Variants in TNXB observed in about 807,000 individuals in gnomAD.
The protein encoded by TNXB is tenascin XB, also known as tenascin-X.
A neutral mutation model predicts 340.5 loss-of-function variants in TNXB; 183 were observed. The ratio of observed to expected loss-of-function variants is 0.54; its 90% confidence interval spans 0.48 to 0.61. The LOEUF (loss-of-function observed/expected upper bound fraction) is 0.61. Ranked by LOEUF, TNXB falls within the 20% of genes least tolerant of loss-of-function variation. The pLI is 0.00. For synonymous variants in TNXB, 2,121 were observed against 2,314.5 expected, an observed-to-expected ratio of 0.92 and a Z score of 2.40; for missense variants, 4,613 against 5,446.4, an observed-to-expected ratio of 0.85 and a Z score of 4.82.
Position 32,046,296 on chromosome 6 carries a change from C to T in TNXB, c.10485G>A (p.Val3495=). 1.9e-6 allele frequency: 3 copies of T among 1,606,656 alleles called. No homozygotes were observed. Among genetic ancestry groups the T allele is most frequent in the Non-Finnish European group, 2.5e-6 (3 of 1,178,158 alleles). The change falls in exon 31 of 44, where the codon GTG becomes GTA. Residue 3495 remains valine (V), a synonymous_variant. Transcript: ENST00000644971. The surrounding 1 kb of genome is among the most constrained non-coding windows in gnomAD (Gnocchi z 6.9). ...CGGTGACTGTGCGCTGGTCTGCGGCCACAGGCACTGCCCTGGGCTGCCCGT... is the reference window on the plus strand; with the variant it reads ...CGGTGACTGTGCGCTGGTCTGCGGCTACAGGCACTGCCCTGGGCTGCCCGT... ...DTDGQPRAVP[V]AADQRTVTVE... is the part of the protein sequence containing the mutation.
At position 32,082,069 on chromosome 6, in the gene TNXB, G is replaced by T. The variant is rs754586168; in HGVS notation, c.3703C>A (p.Arg1235=). The change falls in exon 9 of 44, where the codon CGG becomes AGG. Residue 1235 remains arginine (R), a synonymous_variant. Transcript: ENST00000644971. The surrounding 1 kb of genome is among the most constrained non-coding windows in gnomAD (Gnocchi z 5.0). The stretch of plus-strand genomic sequence containing the variant: ...CCATCGGCCGTGAGGGGGCCATACC[G>T]CTTCTTGTTCGCAATTCCAAACAGA... ...FTLFGIANKK[R]YGPLTADGTT... The T allele has an allele frequency of 6.2e-6, 10 of 1,608,174 alleles. No homozygotes were observed. The highest frequency in any genetic ancestry group is 7.6e-6 in the Non-Finnish European group (9 of 1,177,650).
At chr6:32,078,952 A>G (rs1779268644) in intron 11 of TNXB, 81 bp downstream of exon 11, 3 of 1,449,496 alleles carry the variant, frequency 2.1e-6, no homozygotes, top group Non-Finnish European at 2.8e-6. Flanking sequence ...GTTCCACTGG[A>G]GCAAGGAGAG....
Position 32,058,226 on chromosome 6 carries a change from T to C in TNXB, c.7657A>G (p.Thr2553Ala), listed in dbSNP as rs1339160469. 1 of 1,612,380 alleles carries C rather than the reference T, an allele frequency of 6.2e-7. No individual in the cohort carries two copies. Among genetic ancestry groups the C allele is most frequent in the South Asian group, 1.1e-5 (1 of 91,060 alleles). ...TVPQGRFDSF[T>A]VQYKDRDGRP... ...CCGTCCCTGTCCTTGTACTGCACGG[T>C]GAAGGAGTCAAAGCGGCCCTGGGGG... Residue 2553 changes from threonine to alanine, a missense_variant, in exon 22 of 44, where the codon ACC becomes GCC. By Grantham distance (58) the Thr-to-Ala change is moderately conservative. Coordinates refer to ENST00000644971, the MANE Select transcript of TNXB (RefSeq NM_001365276.2). This position sits in a 1 kb window ranked among gnomAD's most constrained non-coding sequence, Gnocchi z 5.1.
At position 32,095,676 on chromosome 6, in the gene TNXB, C is replaced by T. The variant is rs1780290288; in HGVS notation, c.2177G>A (p.Arg726Gln). 1 of 1,614,060 alleles carries T rather than the reference C, an allele frequency of 6.2e-7. No homozygotes were observed. Among genetic ancestry groups the T allele is most frequent in the African/African-American group, 1.3e-5 (1 of 75,072 alleles). Residue 726 changes from arginine (R) to glutamine (Q), a missense_variant, in exon 3 of 44, where the codon CGA becomes CAA. This residue lies in a region of TNXB where 4,327 missense variants were observed against 4,859.4 expected (regional missense o/e 0.89). Transcript: ENST00000644971. ...ACAGCTGCCATCGTGACACTCTCCTCGGCCACGGCAGTCCCCTGGGCATGT... is the reference window on the plus strand; with the variant it reads ...ACAGCTGCCATCGTGACACTCTCCTTGGCCACGGCAGTCCCCTGGGCATGT... ...IQTCPGDCRGRGECHDGSCVC... is the reference protein window; with the variant it reads ...IQTCPGDCRGQGECHDGSCVC...
Position 32,080,004 on chromosome 6 carries a change from C to G in TNXB, c.4043-639G>C, listed in dbSNP as rs1284833767. 6.6e-6 allele frequency among the ~76,000 whole-genome samples: 1 copy of G among 152,202 alleles called. No individual in the cohort carries two copies. Among genetic ancestry groups the G allele is most frequent in the Non-Finnish European group, 1.5e-5 (1 of 68,038 alleles). ...GACTGTGGCACAAGGGAAACCAGCC[C>G]TTCTGTGACCTGCTACATGGGGGAC... On this transcript the variant is annotated intron_variant, in intron 10 of 43. Coordinates refer to ENST00000644971, the MANE Select transcript of TNXB (RefSeq NM_001365276.2). This position sits in a 1 kb window ranked among gnomAD's most constrained non-coding sequence, Gnocchi z 4.3.
At position 32,096,146 on chromosome 6, in the gene TNXB, G is replaced by T; in HGVS notation, c.1707C>A (p.Cys569Ter). Residue 569 changes from cysteine (C) to a stop codon, truncating the protein, a stop_gained, in exon 3 of 44, where the codon TGC (cysteine) becomes TGA (stop). Transcript: ENST00000644971. LOFTEE classifies it high-confidence loss of function. ...CCTCGCACACACACCGCCCATCTAG[G>T]CACTGGCCGCGGCCTCGGCAGCCCC... ...CPGGCRGRGQCLDGRCVCEDG... is the reference protein window; with the variant it reads ...CPGGCRGRGQ 6.3e-7 allele frequency: 1 copy of T among 1,592,272 alleles called. No individual in the cohort carries two copies.
rs1272278307 is a variant in TNXB, at chr6:32,088,794, C to T, written c.2770G>A (p.Ala924Thr). 1 of 1,572,278 alleles carries T rather than the reference C, an allele frequency of 6.4e-7. No individual in the cohort carries two copies. The highest frequency in any genetic ancestry group is 2.3e-5 in the East Asian group (1 of 43,028). The stretch of plus-strand genomic sequence containing the variant: ...CTCTGGCCAGCCATACCTGTGTTGG[C>T]CCTGACAGAAGCTGGGTAGCTGACT... ...RAVSYPASVR[A>T]NTGSSPLGLL... The change falls in exon 6 of 44, where the codon GCC becomes ACC. Residue 924 changes from alanine (A) to threonine (T), a missense_variant. Coordinates refer to ENST00000644971, the MANE Select transcript of TNXB (RefSeq NM_001365276.2).
chr6:32,048,689 G>A, intron 28 of TNXB, 39 bp from the exon 29 acceptor site: 1 of 1,396,680 alleles, frequency 7.2e-7, no homozygotes, highest in South Asian at 2.1e-5. Flanking sequence ...CAGGAGGCAG[G>A]ACCCTGCGCA....
chr6:32,104,610 CAACTG>C (rs1311470339), intron 1 of TNXB, among the ~76,000 whole-genome samples: 1 of 152,148 alleles, frequency 6.6e-6, no homozygotes, highest in African/African-American at 2.4e-5. Context: ...TCTTGCCTGA[CAACTG>C]CAATTGCCTC....
chr6:32,079,063 C>T lies in TNXB; in HGVS notation c.4345G>A (p.Val1449Met), dbSNP rs773445960. The T allele has an allele frequency of 4.3e-6, 7 of 1,613,060 alleles. No homozygotes were observed. Among genetic ancestry groups the T allele is most frequent in the South Asian group, 1.1e-5 (1 of 91,010 alleles). Reference sequence around the variant, plus strand: ...ACGCCCACGGCGGACACCGGGCCCACGCGCTGCCCCTCGTGGAGGCCGTAC... The same window carrying T: ...ACGCCCACGGCGGACACCGGGCCCATGCGCTGCCCCTCGTGGAGGCCGTAC... The part of the protein sequence containing the change: ...HLYGLHEGQR[V>M]GPVSAVGVTA... Residue 1449 changes from valine (V) to methionine (M), a missense_variant, in exon 11 of 44, where the codon GTG becomes ATG. This residue lies in a region of TNXB where 4,327 missense variants were observed against 4,859.4 expected (regional missense o/e 0.89). Coordinates refer to ENST00000644971, the MANE Select transcript of TNXB (RefSeq NM_001365276.2). The surrounding 1 kb of genome is among the most constrained non-coding windows in gnomAD (Gnocchi z 7.1).
In TNXB at chr6:32,049,252, G is replaced by A. The variant is rs775691913; in HGVS notation, c.9757+18C>T. Reference sequence around the variant, plus strand: ...TGCAGAGGTAAACCTGGGGACGAGGGCCTGTCCCCCCACTCACCCGTGATG... The same window carrying A: ...TGCAGAGGTAAACCTGGGGACGAGGACCTGTCCCCCCACTCACCCGTGATG... On this transcript the variant is annotated intron_variant, in intron 28 of 43. Coordinates refer to ENST00000644971, the MANE Select transcript of TNXB (RefSeq NM_001365276.2). The surrounding 1 kb of genome is among the most constrained non-coding windows in gnomAD (Gnocchi z 4.5). The A allele has an allele frequency of 3.1e-6, 5 of 1,602,158 alleles. No homozygotes were observed. The African/African-American group carries it at 6.7e-5, about 21-fold the overall frequency.
At chr6:32,093,261 C>A in intron 4 of TNXB, 1 of 663,448 alleles carries the variant, frequency 1.5e-6, no homozygotes, top group Non-Finnish European at 2.8e-6. Flanking sequence ...TAGTGAGGAG[C>A]AGCCAGGAAT....
Position 32,095,065 on chromosome 6 carries a change from ATC to A in TNXB, c.2358+9_2358+10del. 1 of 1,545,324 alleles carries A rather than the reference ATC, an allele frequency of 6.5e-7. No homozygotes were observed. The highest frequency in any genetic ancestry group is 8.7e-7 in the Non-Finnish European group (1 of 1,143,596). On this transcript the variant is annotated intron_variant, in intron 4 of 43. Transcript: ENST00000644971. ...ACTCAGTCCCCTCCTGGAGCCTGGC[ATC>A]TCTCTCACCGTGGGGATGAACTGAA...
chr6:32,095,799 G>C lies in TNXB; in HGVS notation c.2054C>G (p.Ala685Gly), dbSNP rs768510054. Residue 685 changes from alanine (A) to glycine (G), a missense_variant, in exon 3 of 44, where the codon GCC (alanine) becomes GGC (glycine). Coordinates refer to ENST00000644971, the MANE Select transcript of TNXB (RefSeq NM_001365276.2). ...GEDCGQEEPP[A>G]SACPGGCGPR... ...CCCGCAGCCTCCAGGGCAGGCGCTG[G>C]CTGGAGGCTCTTCCTGCCCGCAGTC... 10 of 1,612,948 alleles carry C rather than the reference G, an allele frequency of 6.2e-6. No individual in the cohort carries two copies. Among genetic ancestry groups the C allele is most frequent in the Admixed American group, 3.3e-5 (2 of 59,890 alleles).
rs1270615839 is a variant in TNXB, at chr6:32,050,114, C to G, written c.9323G>C (p.Gly3108Ala). ...TGAGATGGTGACCCCGTCCTCGTGC[C>G]CCGGCACCCGCACCGCCTTGGGCTG... ...DGQPKAVRVP[G>A]HEDGVTISGL... is the part of the protein sequence containing the mutation. The change falls in exon 27 of 44, where the codon GGG (glycine) becomes GCG (alanine). Residue 3108 changes from glycine (G) to alanine (A), a missense_variant. Around this residue, in one of 7 missense-constraint regions of TNXB, gnomAD observed 4,327 missense variants for 4,859.4 expected, o/e 0.89. Coordinates refer to ENST00000644971, the MANE Select transcript of TNXB (RefSeq NM_001365276.2). The G allele has an allele frequency of 2.5e-6, 4 of 1,613,642 alleles. No individual in the cohort carries two copies. Among genetic ancestry groups the G allele is most frequent in the South Asian group, 1.1e-5 (1 of 91,096 alleles).
chr6:32,095,464 C>T (rs973328783), intron 3 of TNXB, 147 bp downstream of exon 3: 2 of 1,037,460 alleles, frequency 1.9e-6, no homozygotes, highest in Non-Finnish European at 2.8e-6. Context: ...GAAAGCCCCA[C>T]CCCTGTGGTT....
At chr6:32,093,579 G>A (rs886935440) in intron 4 of TNXB, 6 of 490,290 alleles carry the variant, frequency 1.2e-5, no homozygotes, top group African/African-American at 9.7e-5. Context: ...TTTTTACAGA[G>A]TCCTGGCTAA....
At chr6:32,055,694 A>C (rs1309413235) in intron 24 of TNXB, among the ~76,000 whole-genome samples, 157 bp downstream of exon 24, 3 of 152,234 alleles carry the variant, frequency 2.0e-5, no homozygotes, top group Non-Finnish European at 4.4e-5. Flanking sequence ...CTCTGGCCCT[A>C]GCCCAAACCT....
At position 32,074,372 on chromosome 6, in the gene TNXB, G is replaced by A. The variant is rs529299656; in HGVS notation, c.4376-420C>T. Among the ~76,000 whole-genome samples the A allele has an allele frequency of 1.1e-4, 16 of 152,298 alleles. No homozygotes were observed. Among genetic ancestry groups the A allele is most frequent in the South Asian group, 2.1e-4 (1 of 4,826 alleles). On this transcript the variant is annotated intron_variant, in intron 11 of 43. Transcript: ENST00000644971. This position sits in a 1 kb window ranked among gnomAD's most constrained non-coding sequence, Gnocchi z 5.5. ...CGCATGATGGTTTTGATGTAAAAGCGCATTGATCTGAACATCTGTCTGGTC... is the reference window on the plus strand; with the variant it reads ...CGCATGATGGTTTTGATGTAAAAGCACATTGATCTGAACATCTGTCTGGTC...
Sources: gnomAD v4.1 joint callset for allele counts (sites outside exome capture counted in the v4.1 genomes callset) on GRCh38, gnomAD v4.1.1 for gene constraint, gnomAD v4.1.1 regional missense constraint, Gnocchi (gnomAD v3.1) non-coding constraint, MANE v1.5 for transcripts, NCBI Gene and HGNC (gene_info 2026-07-23, HGNC 2026-07-21) for gene names.